MAP2K7: variants seen among roughly 807,000 people sequenced by gnomAD.
MAP2K7 encodes mitogen-activated protein kinase kinase 7.
MAP2K7 carries 12 observed loss-of-function variants against 47.7 expected under a neutral mutation model. That is an observed-to-expected ratio of 0.25 (90% CI 0.16 to 0.41). The LOEUF is 0.41. Ranked by LOEUF, MAP2K7 falls within the 10% of genes least tolerant of loss-of-function variation. The pLI, the probability that MAP2K7 is intolerant of heterozygous loss-of-function variation, is 1.00. For synonymous variants in MAP2K7, 299 were observed against 243.0 expected (o/e 1.23, Z -2.14); for missense variants, 415 against 600.3 (o/e 0.69, Z 3.23).
rs747430145 is a variant in MAP2K7 at position 7,911,238 on chromosome 19, C to CT, written c.856-12_856-11insT. The CT allele has an allele frequency of 3.9e-4, 618 of 1,604,596 alleles. 2 individuals carry two copies. Among genetic ancestry groups the CT allele is most frequent in the Middle Eastern group, 5.1e-4 (3 of 5,912 alleles). ...AGCCTTGGAGATACGTCTTCTCCTC[C>CT]CCCCCCTGCAGCCCGAGCGCATTGA... On this transcript the variant is annotated splice_polypyrimidine_tract_variant and intron_variant, in intron 7 of 10. Coordinates refer to ENST00000397979, the MANE Select transcript of MAP2K7 (RefSeq NM_145185.4).
rs1168103832 is a variant in MAP2K7 at position 7,910,494 on chromosome 19, C to T, written c.489C>T (p.Ile163=). The T allele has an allele frequency of 4.3e-6, 7 of 1,612,908 alleles. No individual in the cohort carries two copies. The highest frequency in any genetic ancestry group is 1.7e-5 in the Admixed American group (1 of 59,956). ...GGAACAAGGAGGAGAACAAGCGCAT[C>T]CTCATGGACCTGGATGTGGTGCTGA... ...RSGNKEENKR[I]LMDLDVVLKS... Residue 163 remains isoleucine (I), a synonymous_variant, in exon 5 of 11, where the codon ATC becomes ATT. Coordinates refer to ENST00000397979, the MANE Select transcript of MAP2K7 (RefSeq NM_145185.4).
intron 1 of MAP2K7, among the ~76,000 whole-genome samples, chr19:7,909,382 G>A (rs1470527279): frequency 6.6e-6 from 1 of 152,216 alleles, no homozygotes; most frequent in African/African-American, 2.4e-5. Context: ...TGGGTGCTGT[G>A]GCCCTGGGCC....
intron 9 of MAP2K7, 95 bp downstream of exon 9, chr19:7,911,673 GGGATGGGC>G: frequency 7.8e-7 from 1 of 1,283,672 alleles, no homozygotes; most frequent in Non-Finnish European, 1.1e-6. Context: ...GCCGCACCCT[GGGATGGGC>G]GGATGCGACT....
intron 1 of MAP2K7, among the ~76,000 whole-genome samples, 157 bp from the exon 2 acceptor site, chr19:7,909,598 T>A (rs1426852326): frequency 1.3e-5 from 2 of 152,064 alleles, no homozygotes; most frequent in East Asian, 3.9e-4. Context: ...AGACCCCAGC[T>A]CCTCCAGCCC....
At chr19:7,907,854 G>T (rs1351939598) in intron 1 of MAP2K7, among the ~76,000 whole-genome samples, 1 of 152,168 alleles carries the variant, frequency 6.6e-6, no homozygotes, top group African/African-American at 2.4e-5. Flanking sequence ...GGTGCACAGG[G>T]GTTGGGGGCT....
chr19:7,911,250 C>T lies in MAP2K7; in HGVS notation c.856C>T (p.Pro286Ser). ...RSAGCAAYMA[P>S]ERIDPPDPTK... is the part of the protein sequence containing the mutation. Reference sequence around the variant, plus strand: ...ACGTCTTCTCCTCCCCCCCCTGCAGCCCGAGCGCATTGACCCCCCAGACCC... The same window carrying T: ...ACGTCTTCTCCTCCCCCCCCTGCAGTCCGAGCGCATTGACCCCCCAGACCC... Residue 286 changes from proline to serine, a missense_variant and splice_region_variant, in exon 8 of 11, where the codon CCC becomes TCC. Coordinates refer to ENST00000397979, the MANE Select transcript of MAP2K7 (RefSeq NM_145185.4). 6.2e-7 allele frequency: 1 copy of T among 1,610,784 alleles called. No homozygotes were observed. The highest frequency in any genetic ancestry group is 8.5e-7 in the Non-Finnish European group (1 of 1,178,156).
chr19:7,910,599 G>C (rs780689957), intron 5 of MAP2K7, 27 bp downstream of exon 5: 1 of 1,613,114 alleles, frequency 6.2e-7, no homozygotes, highest in Admixed American at 1.7e-5. Flanking sequence ...GCCCTGCAGC[G>C]TCTCCTCCTC....
intron 1 of MAP2K7, chr19:7,906,153 ACG>A (rs1982443770): frequency 8.7e-6 from 4 of 460,856 alleles, no homozygotes; most frequent in Non-Finnish European, 1.6e-5. Context: ...GGGGGGGTGC[ACG>A]CCTGTGTGTG....
rs753594109 is a variant in MAP2K7, at chr19:7,903,895, C to A, written c.-50C>A. On this transcript the variant is annotated 5_prime_UTR_variant, in exon 1 of 11. Transcript: ENST00000397979. ...CAGGCGCAGTGCGGTGTTTGTCTGC[C>A]GGACTGACGGGCGGCCGGGCGGTGC... 287 of 1,408,918 alleles carry A rather than the reference C, an allele frequency of 2.0e-4. No homozygotes were observed. Among genetic ancestry groups the A allele is most frequent in the Non-Finnish European group, 2.6e-4 (278 of 1,060,882 alleles). 87.3% of individuals were successfully genotyped at this position (1,408,918 alleles called of 1,614,324 possible).
At chr19:7,912,222 G>T in intron 10 of MAP2K7, 28 bp downstream of exon 10, 1 of 1,613,760 alleles carries the variant, frequency 6.2e-7, no homozygotes, top group South Asian at 1.1e-5. Flanking sequence ...CCCAGTCCCC[G>T]TCCTGTCCCT....
chr19:7,911,401 A>G (rs776868635), intron 8 of MAP2K7, 35 bp from the exon 9 acceptor site: 18 of 1,613,214 alleles, frequency 1.1e-5, no homozygotes, highest in Non-Finnish European at 1.4e-5. Context: ...GGAGGAGAAC[A>G]TAAACCTGTC....
chr19:7,908,848 T>G (rs1472920536), intron 1 of MAP2K7, among the ~76,000 whole-genome samples: 2 of 152,012 alleles, frequency 1.3e-5, no homozygotes, highest in South Asian at 2.1e-4. Context: ...CTGCAGCGCC[T>G]CCTCTGGGCA....
chr19:7,905,907 C>G, intron 1 of MAP2K7: 2 of 1,555,506 alleles, frequency 1.3e-6, no homozygotes, highest in Non-Finnish European at 1.8e-6. Context: ...TTGACCTAAC[C>G]GCTGCCCCGG....
rs1192633232 is a variant in MAP2K7 at position 7,910,392 on chromosome 19, C to G, written c.447+19C>G. 2 of 1,606,414 alleles carry G rather than the reference C, an allele frequency of 1.2e-6. No individual in the cohort carries two copies. The highest frequency in any genetic ancestry group is 4.5e-5 in the East Asian group (2 of 44,446). The stretch of plus-strand genomic sequence containing the variant: ...CGTTAAGGTGAGCCTTGGCGGCTAC[C>G]CCGGCTGCGCCCCACACCCCAGGCC... On this transcript the variant is annotated intron_variant, in intron 4 of 10. Coordinates refer to ENST00000397979, the MANE Select transcript of MAP2K7 (RefSeq NM_145185.4).
intron 1 of MAP2K7, chr19:7,905,949 C>G (rs1039939587): frequency 5.6e-6 from 6 of 1,080,758 alleles, no homozygotes; most frequent in South Asian, 3.7e-5. Context: ...CCCCCATGCT[C>G]TGTGTGTGTC....
At chr19:7,907,674 C>T (rs1201289364) in intron 1 of MAP2K7, among the ~76,000 whole-genome samples, 1 of 152,196 alleles carries the variant, frequency 6.6e-6, no homozygotes, top group Admixed American at 6.5e-5. Flanking sequence ...GGTCCGGCAG[C>T]CTCCTCCCCA....
chr19:7,912,090 T>A (rs1320885280), intron 9 of MAP2K7, 59 bp from the exon 10 acceptor site: 3 of 1,532,224 alleles, frequency 2.0e-6, no homozygotes, highest in East Asian at 2.2e-5. Context: ...AGCACAGGGG[T>A]GGGGCCGGCA....
chr19:7,911,282 G>C lies in MAP2K7; in HGVS notation c.888G>C (p.Lys296Asn), dbSNP rs768160589. The C allele has an allele frequency of 6.2e-7, 1 of 1,613,180 alleles. No homozygotes were observed. Among genetic ancestry groups the C allele is most frequent in the Non-Finnish European group, 8.5e-7 (1 of 1,179,962 alleles). The stretch of plus-strand genomic sequence containing the variant: ...GCATTGACCCCCCAGACCCCACCAA[G>C]CCGGACTATGACATCCGGGCCGACG... ...PERIDPPDPT[K>N]PDYDIRADVW... Residue 296 changes from lysine (K) to asparagine (N), a missense_variant, in exon 8 of 11, where the codon AAG (lysine) becomes AAC (asparagine). Physicochemically the swap from Lys to Asn is moderately conservative, Grantham distance 94. Around this residue, in one of 3 missense-constraint regions of MAP2K7, gnomAD observed 206 missense variants for 368.8 expected, o/e 0.56. Transcript: ENST00000397979.
rs1568281458 is a variant in MAP2K7, at chr19:7,913,045, TCTCTC to T, written c.*615_*619del. The T allele has an allele frequency of 1.1e-4, 16 of 148,946 alleles. No homozygotes were observed. The highest frequency in any genetic ancestry group is 2.1e-4 in the South Asian group (1 of 4,756). 9.2% of individuals were successfully genotyped at this position (148,946 alleles called of 1,614,324 possible). ...GCTGGACGGGGCTGCGCGCTCGCGC[TCTCTC>T]TCTCTCTCTCTCTCTCTCTTTGATC... On this transcript the variant is annotated 3_prime_UTR_variant, in exon 11 of 11. Coordinates refer to ENST00000397979, the MANE Select transcript of MAP2K7 (RefSeq NM_145185.4).
Sources: allele counts gnomAD v4.1 joint callset (sites outside exome capture counted in the v4.1 genomes callset), GRCh38; gene constraint gnomAD v4.1.1; regional missense constraint gnomAD v4.1.1; transcripts MANE v1.5; gene names NCBI Gene and HGNC (gene_info 2026-07-23, HGNC 2026-07-21).